Variants in CDH3 observed in about 807,000 individuals in gnomAD.
CDH3 encodes cadherin-3.
In CDH3, 54 loss-of-function variants were observed where a neutral mutation model predicts 82.0. The observed-to-expected ratio is 0.66, with a 90% CI of 0.53 to 0.83. The LOEUF (loss-of-function observed/expected upper bound fraction) is 0.83. Among genes scored for constraint, CDH3 ranks in the 40% least tolerant of loss-of-function variants. The probability of loss-of-function intolerance (pLI) is 0.00; values close to 1 mark genes in which losing one functional copy is unlikely to be tolerated. For synonymous variants in CDH3, 446 were observed against 437.9 expected (o/e 1.02, Z -0.23); for missense variants, 1,054 against 1,084.6 (o/e 0.97, Z 0.40).
chr16:68,711,764 G>A (rs1488968330), intron 1 of CDH3, among the ~76,000 whole-genome samples: 2 of 152,206 alleles, frequency 1.3e-5, no homozygotes, highest in Non-Finnish European at 2.9e-5. Flanking sequence ...GGGGGCACGA[G>A]GGCGAGGGCA....
intron 2 of CDH3, among the ~76,000 whole-genome samples, chr16:68,662,714 TTTTTTGTA>T (rs1960622627): frequency 6.6e-6 from 1 of 151,364 alleles, no homozygotes. Flanking sequence ...CCGGCTAATT[TTTTTTGTA>T]TTTTTAGTAG....
chr16:68,655,379 C>G (rs909113160), intron 2 of CDH3, among the ~76,000 whole-genome samples: 2 of 152,226 alleles, frequency 1.3e-5, no homozygotes, highest in Admixed American at 1.3e-4. Flanking sequence ...GCCACAGCTC[C>G]TAACCCTCAG....
chr16:68,664,078 A>G (rs886621299), intron 2 of CDH3, among the ~76,000 whole-genome samples: 9 of 151,648 alleles, frequency 5.9e-5, no homozygotes, highest in Non-Finnish European at 8.8e-5. Context: ...GCCCAAAGTC[A>G]GTGTGGGCCT....
In CDH3 at chr16:68,698,517, T is replaced by C. The variant is rs1490460787; in HGVS notation, c.*117T>C. 1 of 875,800 alleles carries C rather than the reference T, an allele frequency of 1.1e-6. No homozygotes were observed. The highest frequency in any genetic ancestry group is 1.7e-5 in the African/African-American group (1 of 60,152). The allele number at this position is 875,800 out of a possible 1,614,324, so 54.3% of individuals were successfully genotyped here. On this transcript the variant is annotated 3_prime_UTR_variant, in exon 16 of 16. Transcript: ENST00000264012. ...TTGTCAGGAAGTGGCCGTAGCAACTTGGCGGAGACAGGCTATGAGTCTGAC... is the reference window on the plus strand; with the variant it reads ...TTGTCAGGAAGTGGCCGTAGCAACTCGGCGGAGACAGGCTATGAGTCTGAC...
chr16:68,679,540 A>T (rs992304265), intron 6 of CDH3, among the ~76,000 whole-genome samples: 3 of 151,976 alleles, frequency 2.0e-5, no homozygotes, highest in African/African-American at 4.8e-5. Context: ...TAAAAATATT[A>T]AAAAATTAGC....
At chr16:68,708,020 G>A (rs1961985994) in intron 1 of CDH3, among the ~76,000 whole-genome samples, 1 of 152,006 alleles carries the variant, frequency 6.6e-6, no homozygotes, top group South Asian at 2.1e-4. Context: ...CCAGGAAGAC[G>A]ATGCCCACTA....
At position 68,678,153 on chromosome 16, in the gene CDH3, A is replaced by G; in HGVS notation, c.266A>G (p.Glu89Gly). The change falls in exon 4 of 16, where the codon GAA becomes GGA. Residue 89 changes from glutamate (E) to glycine (G), a missense_variant. By Grantham distance (98) the Glu-to-Gly change is moderately conservative. Coordinates refer to ENST00000264012, the MANE Select transcript of CDH3 (RefSeq NM_001793.6). ...ETVQERRSLK[E>G]RNPLKIFPSK... ...TTGCAGGAAAGAAGGTCACTGAAGGAAAGGAATCCATTGAAGATCTTCCCA... is the reference window on the plus strand; with the variant it reads ...TTGCAGGAAAGAAGGTCACTGAAGGGAAGGAATCCATTGAAGATCTTCCCA... 6.2e-7 allele frequency: 1 copy of G among 1,614,014 alleles called. No homozygotes were observed. The highest frequency in any genetic ancestry group is 8.5e-7 in the Non-Finnish European group (1 of 1,179,900).
chr16:68,690,948 T>A (rs959071806), intron 12 of CDH3, among the ~76,000 whole-genome samples: 2 of 152,002 alleles, frequency 1.3e-5, no homozygotes, highest in African/African-American at 4.8e-5. Flanking sequence ...GTGTTTCATA[T>A]AAGATTGGGC....
intron 3 of CDH3, among the ~76,000 whole-genome samples, chr16:68,677,173 CAT>C (rs973132126): frequency 2.6e-5 from 4 of 152,240 alleles, no homozygotes; most frequent in African/African-American, 7.2e-5. Context: ...ATGCTGTTCA[CAT>C]GTCTGCACCT....
intron 2 of CDH3, among the ~76,000 whole-genome samples, chr16:68,661,000 A>C (rs1960559756): frequency 6.6e-6 from 1 of 152,008 alleles, no homozygotes; most frequent in Admixed American, 6.6e-5. Flanking sequence ...ATTACAAATA[A>C]TTCATAATTC....
chr16:68,708,091 G>A (rs1415349698), intron 1 of CDH3, among the ~76,000 whole-genome samples: 1 of 152,094 alleles, frequency 6.6e-6, no homozygotes, highest in Non-Finnish European at 1.5e-5. Context: ...AGTTTGGGAG[G>A]CCGAGGCGGG....
intron 2 of CDH3, among the ~76,000 whole-genome samples, chr16:68,725,172 C>T (rs1962205796): frequency 6.6e-6 from 1 of 152,166 alleles, no homozygotes; most frequent in South Asian, 2.1e-4. Context: ...ACAGCAGCCC[C>T]ACTTTCCAGG....
At chr16:68,700,750 A>G (rs1431601732), downstream of CDH3, among the ~76,000 whole-genome samples, 2 of 152,218 alleles carry the variant, frequency 1.3e-5, no homozygotes, top group Non-Finnish European at 2.9e-5. Flanking sequence ...GCTACTTGGG[A>G]AACTGAGGCA....
chr16:68,657,129 C>T (rs1960427289), intron 2 of CDH3, among the ~76,000 whole-genome samples: 1 of 152,184 alleles, frequency 6.6e-6, no homozygotes, highest in African/African-American at 2.4e-5. Context: ...ACAGAATTCC[C>T]TCCAGGCTGC....
intron 10 of CDH3, 36 bp from the exon 11 acceptor site, chr16:68,685,169 A>T: frequency 6.2e-7 from 1 of 1,612,462 alleles, no homozygotes; most frequent in Non-Finnish European, 8.5e-7. Flanking sequence ...AATTCTAAAT[A>T]TTCTGGATGT....
chr16:68,732,273 A>ATTCCTCCCCAGTGGGCTGGCGG (rs1339524672), downstream of CDH3, among the ~76,000 whole-genome samples: 1 of 152,006 alleles, frequency 6.6e-6, no homozygotes, highest in African/African-American at 2.4e-5. Flanking sequence ...TTCTCTGGGG[A>ATTCCTCCCCAGTGGGCTGGCGG]TTCCTCCCCA....
chr16:68,686,395 T>A (rs1369182808), intron 11 of CDH3: 9 of 1,321,852 alleles, frequency 6.8e-6, no homozygotes, highest in Non-Finnish European at 9.8e-6. Context: ...GGACAAGCAT[T>A]TAGAAAGTTT....
At chr16:68,703,812 T>G, downstream of CDH3, among the ~76,000 whole-genome samples, 1 of 151,958 alleles carries the variant, frequency 6.6e-6, no homozygotes, top group Non-Finnish European at 1.5e-5. Context: ...CTGGGCATGG[T>G]GGTGCGTGCC....
chr16:68,725,462 T>A (rs1046552667), intron 2 of CDH3, among the ~76,000 whole-genome samples: 1 of 151,340 alleles, frequency 6.6e-6, no homozygotes, highest in African/African-American at 2.4e-5. Flanking sequence ...GTCTCCGGAG[T>A]AGCTGGGACT....
Sources: gnomAD v4.1 joint callset for allele counts (sites outside exome capture counted in the v4.1 genomes callset) on GRCh38, gnomAD v4.1.1 for gene constraint, MANE v1.5 for transcripts, NCBI Gene and HGNC (gene_info 2026-07-23, HGNC 2026-07-21) for gene names.